The following KCNIP4 variants were observed in gnomAD, a reference collection of about 807,000 sequenced individuals.
KCNIP4 encodes potassium voltage-gated channel interacting protein 4.
In KCNIP4, 12 loss-of-function variants were observed where a neutral mutation model predicts 34.0. That is an observed-to-expected ratio of 0.35 (90% CI 0.23 to 0.57). The LOEUF (loss-of-function observed/expected upper bound fraction) is 0.57, where lower values mean the gene tolerates loss of function less well. KCNIP4 is among the 20% of genes least tolerant of loss of function. The pLI, the probability that KCNIP4 is intolerant of heterozygous loss-of-function variation, is 0.83. For synonymous variants in KCNIP4, 124 were observed against 102.2 expected, an observed-to-expected ratio of 1.21 and a Z score of -1.29; for missense variants, 238 against 311.7, an observed-to-expected ratio of 0.76 and a Z score of 1.78.
chr4:21,022,894 C>T (rs1031980368), intron 1 of KCNIP4, among the ~76,000 whole-genome samples: 3 of 150,866 alleles, frequency 2.0e-5, no homozygotes, highest in East Asian at 2.0e-4. Context: ...GGTGTGATCT[C>T]GGCTCACTGC....
chr4:21,347,455 T>C (rs1413441180), intron 1 of KCNIP4, among the ~76,000 whole-genome samples: 5 of 152,184 alleles, frequency 3.3e-5, no homozygotes, highest in Admixed American at 2.6e-4. Context: ...CTCCAGTGTA[T>C]TCCATGAGTT....
intron 1 of KCNIP4, among the ~76,000 whole-genome samples, chr4:21,599,096 T>A (rs2109114705): frequency 6.6e-6 from 1 of 152,234 alleles, no homozygotes; most frequent in African/African-American, 2.4e-5. Flanking sequence ...TGCAACACTA[T>A]TCCTCCTCTG....
intron 1 of KCNIP4, among the ~76,000 whole-genome samples, chr4:21,758,272 A>G (rs1335142585): frequency 6.6e-6 from 1 of 152,234 alleles, no homozygotes; most frequent in Non-Finnish European, 1.5e-5. Flanking sequence ...CTGGTAAAGA[A>G]TAGACAAGGC....
At chr4:21,849,145 A>G (rs1241091024) in intron 1 of KCNIP4, 1 of 152,154 alleles carries the variant, frequency 6.6e-6, no homozygotes, top group African/African-American at 2.4e-5. Context: ...ATTCATTTCT[A>G]ATGAATGCAA....
chr4:20,935,974 A>G (rs1237786245), intron 1 of KCNIP4, among the ~76,000 whole-genome samples: 1 of 152,208 alleles, frequency 6.6e-6, no homozygotes, highest in Non-Finnish European at 1.5e-5. Flanking sequence ...AATTCACTTA[A>G]CAATCCTAAT....
intron 1 of KCNIP4, among the ~76,000 whole-genome samples, chr4:21,807,891 T>C (rs1721399604): frequency 6.6e-6 from 1 of 152,206 alleles, no homozygotes; most frequent in African/African-American, 2.4e-5. Flanking sequence ...CTAAGTAATA[T>C]ATATGTAAAA....
intron 1 of KCNIP4, among the ~76,000 whole-genome samples, chr4:21,909,843 C>T (rs1728202883): frequency 6.6e-6 from 1 of 151,916 alleles, no homozygotes; most frequent in Non-Finnish European, 1.5e-5. Flanking sequence ...AGGGGTTTCC[C>T]CTTATGAAGC....
intron 8 of KCNIP4, among the ~76,000 whole-genome samples, chr4:20,730,498 TCA>T (rs1305369187): frequency 6.6e-6 from 1 of 152,114 alleles, no homozygotes; most frequent in African/African-American, 2.4e-5. Flanking sequence ...ACAGGCCAAA[TCA>T]CACAGACTTT....
intron 1 of KCNIP4, among the ~76,000 whole-genome samples, chr4:21,545,787 T>C (rs1738105966): frequency 6.6e-6 from 1 of 152,212 alleles, no homozygotes; most frequent in Non-Finnish European, 1.5e-5. Flanking sequence ...CTATCACTGA[T>C]GGACATTTGG....
At chr4:21,355,678 A>C (rs1037352733) in intron 1 of KCNIP4, among the ~76,000 whole-genome samples, 5 of 152,164 alleles carry the variant, frequency 3.3e-5, no homozygotes, top group African/African-American at 1.2e-4. Flanking sequence ...CCAACCAAGA[A>C]AAAGTCTAGG....
intron 1 of KCNIP4, among the ~76,000 whole-genome samples, chr4:21,478,703 G>A (rs948315048): frequency 1.3e-5 from 2 of 152,100 alleles, no homozygotes; most frequent in African/African-American, 2.4e-5. Flanking sequence ...AAAGCAAGAC[G>A]GGGAATGCAC....
intron 1 of KCNIP4, among the ~76,000 whole-genome samples, chr4:21,927,894 C>T (rs1197415142): frequency 3.3e-5 from 5 of 151,946 alleles, no homozygotes; most frequent in Non-Finnish European, 5.9e-5. Flanking sequence ...CTCACCCACA[C>T]GATGAGGATA....
intron 1 of KCNIP4, among the ~76,000 whole-genome samples, chr4:21,512,163 AG>A (rs1164496304): frequency 9.2e-5 from 3 of 32,576 alleles, no homozygotes; most frequent in African/African-American, 2.2e-4. Context: ...GGAGGGAGGG[AG>A]GGAGGGAGGA....
At chr4:21,247,131 G>C (rs946737886) in intron 1 of KCNIP4, among the ~76,000 whole-genome samples, 12 of 152,136 alleles carry the variant, frequency 7.9e-5, no homozygotes, top group Admixed American at 7.2e-4. Flanking sequence ...AAGAATTTCA[G>C]AGTTGGAAGA....
intron 2 of KCNIP4, among the ~76,000 whole-genome samples, chr4:20,865,294 A>C (rs965260406): frequency 2.6e-5 from 4 of 152,208 alleles, no homozygotes; most frequent in Non-Finnish European, 5.9e-5. Flanking sequence ...AAGAGTAATG[A>C]CAAAAGTCAG....
intron 3 of KCNIP4, among the ~76,000 whole-genome samples, chr4:20,820,797 T>C (rs1717006979): frequency 1.3e-5 from 2 of 152,170 alleles, no homozygotes; most frequent in African/African-American, 4.8e-5. Context: ...GCCAACTCAA[T>C]TTCTGCTCCA....
intron 1 of KCNIP4, among the ~76,000 whole-genome samples, chr4:21,599,658 T>C (rs1284943651): frequency 2.6e-5 from 4 of 152,100 alleles, no homozygotes; most frequent in African/African-American, 9.7e-5. Context: ...AAGTGAATTA[T>C]AGGGTTTGGC....
intron 1 of KCNIP4, among the ~76,000 whole-genome samples, chr4:21,079,133 T>C (rs1577654569): frequency 6.6e-6 from 1 of 152,204 alleles, no homozygotes; most frequent in East Asian, 1.9e-4. Flanking sequence ...TTTCTCAGTG[T>C]TGAGGCAGGA....
At chr4:20,740,366 C>T (rs1216936045) in intron 5 of KCNIP4, among the ~76,000 whole-genome samples, 1 of 152,160 alleles carries the variant, frequency 6.6e-6, no homozygotes, top group Non-Finnish European at 1.5e-5. Flanking sequence ...GCCCATCAGA[C>T]TAACAGCGGA....
Sources: allele counts gnomAD v4.1 joint callset (sites outside exome capture counted in the v4.1 genomes callset), GRCh38; gene constraint gnomAD v4.1.1; transcripts MANE v1.5; gene names NCBI Gene and HGNC (gene_info 2026-07-23, HGNC 2026-07-21).